Variants in REL observed in about 807,000 individuals in gnomAD.
REL encodes the protein proto-oncogene c-Rel.
Under a neutral mutation model 45.9 loss-of-function variants are expected in REL, and 15 were observed. That is an observed-to-expected ratio of 0.33 (90% confidence interval 0.22 to 0.50). The LOEUF is 0.50. REL is among the 20% of genes least tolerant of loss of function. The pLI, the probability that REL is intolerant of heterozygous loss-of-function variation, is 0.98. For missense variants in REL, 601 were observed against 715.2 expected (o/e 0.84, Z 1.82); for synonymous variants, 239 against 242.1 (o/e 0.99, Z 0.12).
rs1045766907 is a variant in REL, at chr2:60,881,776, T to A, written c.-65T>A. 2 of 1,498,234 alleles carry A rather than the reference T, an allele frequency of 1.3e-6. No individual in the cohort carries two copies. The highest frequency in any genetic ancestry group is 1.8e-6 in the Non-Finnish European group (2 of 1,113,790). The allele number at this position is 1,498,234 out of a possible 1,614,324, so 92.8% of individuals were successfully genotyped here. Reference sequence around the variant, plus strand: ...GAGGTCCCTCGGCCTCCTGACTGACTGACTGCGGCCGCCTCCGGCCAGGAC... The same window carrying A: ...GAGGTCCCTCGGCCTCCTGACTGACAGACTGCGGCCGCCTCCGGCCAGGAC... On this transcript the variant is annotated 5_prime_UTR_variant, in exon 1 of 10. Coordinates refer to ENST00000394479, the MANE Select transcript of REL (RefSeq NM_001291746.2).
At chr2:60,906,617 G>A (rs1297181617) in intron 4 of REL, among the ~76,000 whole-genome samples, 6 of 151,998 alleles carry the variant, frequency 3.9e-5, no homozygotes, top group African/African-American at 1.5e-4. Context: ...GTGCACACAT[G>A]CACTTACTTG....
Position 60,929,323 on chromosome 2 carries a change from A to G in REL, c.*6788A>G, listed in dbSNP as rs1338394891. Reference sequence around the variant, plus strand: ...TGACCCAGCCATCCCATTACTGGGTATATACCCAAAGGACTATAAATCATG... The same window carrying G: ...TGACCCAGCCATCCCATTACTGGGTGTATACCCAAAGGACTATAAATCATG... On this transcript the variant is annotated 3_prime_UTR_variant, in exon 10 of 10. Transcript: ENST00000394479. 2.1e-5 allele frequency: 3 copies of G among 141,442 alleles called. No individual in the cohort carries two copies. The East Asian group carries it at 5.8e-4, about 27-fold the overall frequency. 8.8% of individuals were successfully genotyped at this position (141,442 alleles called of 1,614,324 possible).
At chr2:60,885,529 C>A (rs1201148074) in intron 1 of REL, among the ~76,000 whole-genome samples, 1 of 152,142 alleles carries the variant, frequency 6.6e-6, no homozygotes, top group African/African-American at 2.4e-5. Context: ...GAATACTCAT[C>A]TGAAAATTTC....
chr2:60,916,588 T>G (rs1281469951), intron 4 of REL, among the ~76,000 whole-genome samples: 1 of 152,212 alleles, frequency 6.6e-6, no homozygotes, highest in Non-Finnish European at 1.5e-5. Flanking sequence ...GCAACTATTT[T>G]TTAAAACTTT....
At chr2:60,893,216 T>C (rs1176502061) in intron 2 of REL, among the ~76,000 whole-genome samples, 1 of 152,256 alleles carries the variant, frequency 6.6e-6, no homozygotes, top group African/African-American at 2.4e-5. Flanking sequence ...TATCAACAGA[T>C]CTTAATTCAC....
In REL at chr2:60,920,559, A is replaced by C; in HGVS notation, c.923-15A>C. ...TCAAATGACATTTAATAATGGAAAA[A>C]CTTTATCCTAACAGTTAATTTTCCT... On this transcript the variant is annotated splice_polypyrimidine_tract_variant and intron_variant, in intron 8 of 9. Coordinates refer to ENST00000394479, the MANE Select transcript of REL (RefSeq NM_001291746.2). The C allele has an allele frequency of 6.4e-7, 1 of 1,569,680 alleles. No homozygotes were observed. Among genetic ancestry groups the C allele is most frequent in the South Asian group, 1.1e-5 (1 of 89,588 alleles).
At chr2:60,900,894 A>G (rs1035380530) in intron 3 of REL, 98 bp from the exon 4 acceptor site, 28 of 1,006,174 alleles carry the variant, frequency 2.8e-5, no homozygotes, top group Middle Eastern at 3.1e-4. Flanking sequence ...GGTATGTACA[A>G]CTGACAGCAT....
Position 60,923,616 on chromosome 2 carries a change from C to T in REL, c.*1081C>T, listed in dbSNP as rs560652899. The T allele has an allele frequency of 1.7e-5, 4 of 232,780 alleles. 1 individual carries two copies. In the South Asian group the frequency reaches 7.2e-4, roughly 42 times the overall value. 14.4% of individuals were successfully genotyped at this position (232,780 alleles called of 1,614,324 possible). A position where few individuals can be genotyped will look rare whatever the true frequency, so the allele number is the denominator to read the frequency against. On this transcript the variant is annotated 3_prime_UTR_variant, in exon 10 of 10. Transcript: ENST00000394479. ...ACTTCTGGTTGCTCAGGCCAAAAACCCTGAAGTCATCCTTGATTCTTCTTT... is the reference window on the plus strand; with the variant it reads ...ACTTCTGGTTGCTCAGGCCAAAAACTCTGAAGTCATCCTTGATTCTTCTTT...
rs371399303 is a variant in REL at position 60,922,575 on chromosome 2, A to G, written c.*40A>G. On this transcript the variant is annotated 3_prime_UTR_variant, in exon 10 of 10. Transcript: ENST00000394479. ...ATCCTTTTAAATCTTGATACCACCT[A>G]TATAGATGCAGCATTTTGTATTTGT... 2.4e-4 allele frequency: 367 copies of G among 1,517,120 alleles called. 1 individual carries two copies. Among genetic ancestry groups the G allele is most frequent in the Non-Finnish European group, 3.1e-4 (349 of 1,133,282 alleles). The allele number at this position is 1,517,120 out of a possible 1,614,324, so 94.0% of individuals were successfully genotyped here.
chr2:60,898,326 A>G (rs996759457), intron 3 of REL, among the ~76,000 whole-genome samples: 17 of 152,276 alleles, frequency 1.1e-4, no homozygotes. Flanking sequence ...TATAGCCTAT[A>G]AGGCCCACAT....
At chr2:60,890,134 C>A (rs528347721) in intron 1 of REL, among the ~76,000 whole-genome samples, 1 of 152,236 alleles carries the variant, frequency 6.6e-6, no homozygotes, top group African/African-American at 2.4e-5. Flanking sequence ...TTTTAATGAT[C>A]GCCATTCTAA....
chr2:60,904,611 G>A (rs1397508471), intron 4 of REL, among the ~76,000 whole-genome samples: 1 of 151,730 alleles, frequency 6.6e-6, no homozygotes, highest in Non-Finnish European at 1.5e-5. Context: ...AAGTAGGCCA[G>A]GCACGGTGTC....
intron 2 of REL, among the ~76,000 whole-genome samples, chr2:60,892,400 A>C (rs976631164): frequency 6.6e-6 from 1 of 152,206 alleles, no homozygotes; most frequent in Admixed American, 6.5e-5. Context: ...TGGTAAACAT[A>C]CTAATAGTTA....
At position 60,922,079 on chromosome 2, in the gene REL, C is replaced by A; in HGVS notation, c.1308C>A (p.Asp436Glu). The change falls in exon 10 of 10, where the codon GAC becomes GAA. Residue 436 changes from aspartate to glutamate, a missense_variant. Asp to Glu is a conservative substitution (Grantham distance 45). This residue lies in a region of REL where 334 missense variants were observed against 333.1 expected (regional missense o/e 1.00). Transcript: ENST00000394479. The stretch of plus-strand genomic sequence containing the variant: ...CTTGCATTTACAACAATGCCGATGA[C>A]ATAGTCGGAATGGAAGCGTCATCCA... ...SNACIYNNAD[D>E]IVGMEASSMP... 2 of 1,614,158 alleles carry A rather than the reference C, an allele frequency of 1.2e-6. No homozygotes were observed. Among genetic ancestry groups the A allele is most frequent in the Non-Finnish European group, 1.7e-6 (2 of 1,180,004 alleles).
At chr2:60,883,197 C>G (rs1573307444) in intron 1 of REL, among the ~76,000 whole-genome samples, 1 of 152,212 alleles carries the variant, frequency 6.6e-6, no homozygotes, top group Non-Finnish European at 1.5e-5. Context: ...TATCCCCAAA[C>G]TGCCTGGTCC....
chr2:60,920,720 A>G, intron 9 of REL, 78 bp downstream of exon 9: 3 of 872,360 alleles, frequency 3.4e-6, no homozygotes, highest in Non-Finnish European at 5.4e-6. Context: ...TTCTATTTTT[A>G]GGAATGAATA....
intron 4 of REL, among the ~76,000 whole-genome samples, chr2:60,910,091 A>G (rs1017619381): frequency 6.6e-6 from 1 of 152,160 alleles, no homozygotes; most frequent in African/African-American, 2.4e-5. Flanking sequence ...TTGGTTAAGA[A>G]TGAAATTCTC....
rs373752427 is a variant in REL at position 60,894,533 on chromosome 2, G to A, written c.290G>A (p.Arg97His). ...TATGAAGCAGAATTTGGACAAGAAC[G>A]CAGACCTTTGTTGTAAGTACACAGT... Reference protein sequence around the residue: ...GYYEAEFGQERRPLFFQNLGI... With the variant: ...GYYEAEFGQEHRPLFFQNLGI... The change falls in exon 3 of 10, where the codon CGC becomes CAC. Residue 97 changes from arginine to histidine, a missense_variant. Transcript: ENST00000394479. 2 of 1,598,686 alleles carry A rather than the reference G, an allele frequency of 1.3e-6. No individual in the cohort carries two copies. The highest frequency in any genetic ancestry group is 1.3e-5 in the African/African-American group (1 of 74,180).
intron 1 of REL, among the ~76,000 whole-genome samples, chr2:60,889,592 C>A (rs1267689060): frequency 8.6e-5 from 13 of 152,018 alleles, no homozygotes; most frequent in Admixed American, 8.5e-4. Flanking sequence ...TTAGGTATAT[C>A]TCCTAATGCT....
Sources: allele counts gnomAD v4.1 joint callset (sites outside exome capture counted in the v4.1 genomes callset), GRCh38; gene constraint gnomAD v4.1.1; regional missense constraint gnomAD v4.1.1; transcripts MANE v1.5; gene names NCBI Gene and HGNC (gene_info 2026-07-23, HGNC 2026-07-21).